LPP: variants seen among roughly 807,000 people sequenced by gnomAD.
LPP encodes LIM domain containing preferred translocation partner in lipoma, also known as lipoma-preferred partner.
A neutral mutation model predicts 60.4 loss-of-function variants in LPP; 38 were observed. The ratio of observed to expected loss-of-function variants is 0.63; its 90% CI spans 0.49 to 0.83. LPP has a LOEUF of 0.83. Among genes scored for constraint, LPP ranks in the 40% least tolerant of loss-of-function variants. LPP has a pLI of 0.00. For synonymous variants in LPP, 328 were observed against 290.8 expected, an observed-to-expected ratio of 1.13 and a Z score of -1.30; for missense variants, 902 against 783.6, an observed-to-expected ratio of 1.15 and a Z score of -1.80.
intron 2 of LPP, among the ~76,000 whole-genome samples, chr3:188,226,431 T>C (rs1047170828): frequency 3.3e-5 from 5 of 152,188 alleles, no homozygotes; most frequent in Admixed American, 1.3e-4. Context: ...GCAAATCCTG[T>C]TATGTGCTCA....
At chr3:188,530,094 T>C (rs1280951473) in intron 6 of LPP, among the ~76,000 whole-genome samples, 1 of 151,946 alleles carries the variant, frequency 6.6e-6, no homozygotes, top group African/African-American at 2.4e-5. Flanking sequence ...AAGTGAATAT[T>C]ATTTGAAGAA....
chr3:188,762,383 CTTT>C, intron 9 of LPP, among the ~76,000 whole-genome samples: 1 of 152,176 alleles, frequency 6.6e-6, no homozygotes, highest in Admixed American at 6.5e-5. Flanking sequence ...CTGGGATTAA[CTTT>C]AATGATGTTT....
intron 9 of LPP, among the ~76,000 whole-genome samples, chr3:188,828,879 T>C (rs1191047800): frequency 6.6e-6 from 1 of 152,180 alleles, no homozygotes; most frequent in Non-Finnish European, 1.5e-5. Flanking sequence ...TTAGGTATTA[T>C]GTATGTAATA....
chr3:188,728,285 A>C (rs1719156999), intron 8 of LPP, among the ~76,000 whole-genome samples: 1 of 152,176 alleles, frequency 6.6e-6, no homozygotes, highest in Admixed American at 6.5e-5. Flanking sequence ...CATCACAAAC[A>C]TGAAAACAGA....
intron 9 of LPP, among the ~76,000 whole-genome samples, chr3:188,838,788 G>A (rs1245557260): frequency 6.6e-6 from 1 of 152,084 alleles, no homozygotes; most frequent in East Asian, 1.9e-4. Flanking sequence ...TTCTCACTCA[G>A]AAGTGAGAGT....
intron 2 of LPP, among the ~76,000 whole-genome samples, chr3:188,253,367 T>C (rs1411637574): frequency 6.6e-6 from 1 of 152,212 alleles, no homozygotes; most frequent in Non-Finnish European, 1.5e-5. Context: ...CCAGTACCTG[T>C]ATAGTTTCAT....
intron 5 of LPP, among the ~76,000 whole-genome samples, chr3:188,508,215 C>A (rs1351152987): frequency 6.6e-6 from 1 of 152,168 alleles, no homozygotes; most frequent in South Asian, 2.1e-4. Context: ...GAGAAGAGTC[C>A]AGGATGCTTG....
At chr3:188,677,528 A>G (rs1298794301) in intron 7 of LPP, among the ~76,000 whole-genome samples, 1 of 152,186 alleles carries the variant, frequency 6.6e-6, no homozygotes, top group Admixed American at 6.5e-5. Flanking sequence ...ATACTTGTTG[A>G]ATCAAGTTGA....
At chr3:188,203,584 TATATATTTAAATATATATAA>T (rs1452293102) in intron 1 of LPP, among the ~76,000 whole-genome samples, 1 of 108,114 alleles carries the variant, frequency 9.2e-6, no homozygotes, top group African/African-American at 3.7e-5. Flanking sequence ...TTTAAATATA[TATATATTTAAATATATATAA>T]ATATATATTT....
At chr3:188,679,365 A>G (rs1473821852) in intron 7 of LPP, among the ~76,000 whole-genome samples, 1 of 152,162 alleles carries the variant, frequency 6.6e-6, no homozygotes, top group African/African-American at 2.4e-5. Context: ...TGTCAAGAAT[A>G]TAATAGGAGC....
At chr3:188,825,319 G>A (rs1395976895) in intron 9 of LPP, among the ~76,000 whole-genome samples, 3 of 142,974 alleles carry the variant, frequency 2.1e-5, no homozygotes, top group Non-Finnish European at 3.1e-5. Context: ...GTGTGTGTAG[G>A]ATCACTGGAG....
chr3:188,545,339 T>G (rs1386919011), intron 6 of LPP, among the ~76,000 whole-genome samples: 1 of 151,614 alleles, frequency 6.6e-6, no homozygotes, highest in East Asian at 1.9e-4. Flanking sequence ...TTTGTTTAAA[T>G]TATTAATGTG....
chr3:188,561,405 T>TTC (rs1830646315), intron 6 of LPP, among the ~76,000 whole-genome samples: 1 of 152,050 alleles, frequency 6.6e-6, no homozygotes. Context: ...AGCCTTGAAT[T>TTC]TTCTCCTCTC....
chr3:188,526,243 C>T (rs754549137), intron 6 of LPP, among the ~76,000 whole-genome samples: 9 of 152,122 alleles, frequency 5.9e-5, no homozygotes, highest in Non-Finnish European at 1.0e-4. Context: ...TCTCTGCTGT[C>T]AGTTATTTCA....
At chr3:188,748,236 CAT>C (rs1284550956) in intron 8 of LPP, among the ~76,000 whole-genome samples, 2 of 152,114 alleles carry the variant, frequency 1.3e-5, no homozygotes, top group African/African-American at 2.4e-5. Flanking sequence ...GATACACACA[CAT>C]GTATATACAC....
At chr3:188,586,794 CT>C (rs1178507054) in intron 6 of LPP, among the ~76,000 whole-genome samples, 2 of 149,730 alleles carry the variant, frequency 1.3e-5, no homozygotes, top group African/African-American at 4.9e-5. Flanking sequence ...GTGGCCCGAT[CT>C]TGGCTCACTG....
chr3:188,433,451 T>C (rs560917328), intron 4 of LPP, among the ~76,000 whole-genome samples: 3 of 151,992 alleles, frequency 2.0e-5, no homozygotes, highest in South Asian at 2.1e-4. Flanking sequence ...AGGGAAGTAA[T>C]AGAGTGTCTC....
chr3:188,504,540 A>G (rs1579431311), intron 5 of LPP, among the ~76,000 whole-genome samples: 1 of 152,126 alleles, frequency 6.6e-6, no homozygotes, highest in East Asian at 1.9e-4. Context: ...TGAAACTAAT[A>G]ATGTAGAGCC....
At chr3:188,487,796 T>C (rs1807028068) in intron 5 of LPP, among the ~76,000 whole-genome samples, 1 of 152,168 alleles carries the variant, frequency 6.6e-6, no homozygotes, top group African/African-American at 2.4e-5. Flanking sequence ...TAAAACCTCA[T>C]GTTCCCAAGT....
Sources: allele counts gnomAD v4.1 joint callset (sites outside exome capture counted in the v4.1 genomes callset), GRCh38; gene constraint gnomAD v4.1.1; transcripts MANE v1.5; gene names NCBI Gene and HGNC (gene_info 2026-07-23, HGNC 2026-07-21).